The following ASIC2 variants were observed in gnomAD, a reference collection of about 807,000 sequenced individuals.
ASIC2 encodes acid-sensing ion channel 2.
A neutral mutation model predicts 57.3 loss-of-function variants in ASIC2; 25 were observed. The observed-to-expected ratio is 0.44, with a 90% CI of 0.32 to 0.61. The LOEUF (loss-of-function observed/expected upper bound fraction) is 0.61. Among genes scored for constraint, ASIC2 ranks in the 20% least tolerant of loss-of-function variants. The probability of loss-of-function intolerance (pLI) is 0.06; values close to 1 mark genes in which losing one functional copy is unlikely to be tolerated. For synonymous variants in ASIC2, 319 were observed against 307.5 expected, an observed-to-expected ratio of 1.04 and a Z score of -0.39; for missense variants, 641 against 738.1, an observed-to-expected ratio of 0.87 and a Z score of 1.52.
chr17:34,061,537 G>T (rs1356314784), intron 1 of ASIC2, among the ~76,000 whole-genome samples: 5 of 152,156 alleles, frequency 3.3e-5, no homozygotes, highest in Non-Finnish European at 5.9e-5. Flanking sequence ...CACTAACATT[G>T]AATGTAAATG....
Position 33,853,110 on chromosome 17 carries a change from C to T in ASIC2, c.555+302868G>A, listed in dbSNP as rs144284354. On this transcript the variant is annotated intron_variant, in intron 1 of 9. Coordinates refer to the ASIC2 transcript ENST00000359872. ...TCTGTGACCCCAACTTAAAACACTT[C>T]TCCCACACACAAAGTTAACACTTCA... Among the ~76,000 whole-genome samples, 50 of 152,336 alleles carry T rather than the reference C, an allele frequency of 3.3e-4. 1 individual carries two copies. The highest frequency in any genetic ancestry group is 1.2e-3 in the African/African-American group (48 of 41,578).
At chr17:33,681,206 G>A (rs531250007) in intron 1 of ASIC2, among the ~76,000 whole-genome samples, 1 of 152,198 alleles carries the variant, frequency 6.6e-6, no homozygotes, top group Non-Finnish European at 1.5e-5. Context: ...GGAGCATCTG[G>A]TTGGCCTATG....
chr17:34,137,886 C>T (rs1912167780), intron 1 of ASIC2, among the ~76,000 whole-genome samples: 1 of 152,108 alleles, frequency 6.6e-6, no homozygotes, highest in South Asian at 2.1e-4. Context: ...ATGACCTAAT[C>T]ATCTCCCACA....
chr17:33,278,190 C>T (rs1042954821), intron 1 of ASIC2, among the ~76,000 whole-genome samples: 3 of 148,506 alleles, frequency 2.0e-5, no homozygotes, highest in East Asian at 4.0e-4. Flanking sequence ...CTATCAGATG[C>T]CCTTATTCAT....
intron 1 of ASIC2, among the ~76,000 whole-genome samples, chr17:34,074,670 A>G (rs563791584): frequency 3.5e-4 from 54 of 152,246 alleles, no homozygotes; most frequent in African/African-American, 1.3e-3. Flanking sequence ...ACGCTTAGGA[A>G]GGCAGCATTA....
chr17:34,123,286 A>G (rs751289962), intron 1 of ASIC2, among the ~76,000 whole-genome samples: 3 of 152,190 alleles, frequency 2.0e-5, no homozygotes, highest in Non-Finnish European at 4.4e-5. Flanking sequence ...GCTGAGATCA[A>G]GCAGAGCTGG....
chr17:33,392,760 T>A (rs1285071806), intron 1 of ASIC2, among the ~76,000 whole-genome samples: 1 of 152,178 alleles, frequency 6.6e-6, no homozygotes, highest in African/African-American at 2.4e-5. Flanking sequence ...AGAATGCCCC[T>A]ATGACAGTAG....
At chr17:33,812,273 T>C (rs1318165691) in intron 1 of ASIC2, among the ~76,000 whole-genome samples, 1 of 152,198 alleles carries the variant, frequency 6.6e-6, no homozygotes, top group African/African-American at 2.4e-5. Flanking sequence ...AATGGTCAGC[T>C]TTTAAATTTC....
At chr17:33,673,979 C>T (rs1330463954) in intron 1 of ASIC2, among the ~76,000 whole-genome samples, 1 of 151,372 alleles carries the variant, frequency 6.6e-6, no homozygotes, top group African/African-American at 2.4e-5. Context: ...GTGCAAGCTC[C>T]GTCTCCTGGG....
At chr17:33,464,241 C>T (rs1912735875) in intron 1 of ASIC2, among the ~76,000 whole-genome samples, 2 of 152,192 alleles carry the variant, frequency 1.3e-5, no homozygotes, top group Middle Eastern at 3.2e-3. Flanking sequence ...AGCTGAGGTG[C>T]TCCCTATTTC....
At chr17:34,150,469 C>T (rs1567616946) in intron 1 of ASIC2, among the ~76,000 whole-genome samples, 1 of 152,132 alleles carries the variant, frequency 6.6e-6, no homozygotes, top group African/African-American at 2.4e-5. Flanking sequence ...AGCCACTCCA[C>T]AATGTATACA....
chr17:33,894,311 C>A (rs529670293), intron 1 of ASIC2, among the ~76,000 whole-genome samples: 2 of 150,800 alleles, frequency 1.3e-5, no homozygotes, highest in East Asian at 3.9e-4. Context: ...AGGGGAAGGA[C>A]AGAATGAGAG....
chr17:33,291,487 C>G lies in ASIC2; in HGVS notation c.629G>C (p.Arg210Pro). 1 of 1,612,578 alleles carries G rather than the reference C, an allele frequency of 6.2e-7. No homozygotes were observed. Among genetic ancestry groups the G allele is most frequent in the Non-Finnish European group, 8.5e-7 (1 of 1,179,732 alleles). The stretch of plus-strand genomic sequence containing the variant: ...CATGTCCTCCAGCTGGTGGCCCAGG[C>G]GGTCCATGAAGGCGGCGCTGATTCC... The part of the protein sequence containing the change: ...FEGISAAFMD[R>P]LGHQLEDMLL... The change falls in exon 1 of 10, where the codon CGC becomes CCC. Residue 210 changes from arginine (R) to proline (P), a missense_variant. Physicochemically the swap from Arg to Pro is moderately radical, Grantham distance 103. This residue lies in a region of ASIC2 where 382 missense variants were observed against 398.0 expected (regional missense o/e 0.96). Transcript: ENST00000225823.
chr17:33,598,602 C>A (rs2142008694), intron 1 of ASIC2, among the ~76,000 whole-genome samples: 1 of 152,254 alleles, frequency 6.6e-6, no homozygotes, highest in Admixed American at 6.5e-5. Flanking sequence ...GGAGAAGAAG[C>A]AAATGGACAG....
chr17:34,040,319 G>T (rs1908076862), intron 1 of ASIC2, among the ~76,000 whole-genome samples: 1 of 148,734 alleles, frequency 6.7e-6, no homozygotes, highest in Non-Finnish European at 1.5e-5. Context: ...GGATCGGTTC[G>T]GTCCGGATTA....
At chr17:33,154,123 C>CTA (rs1479578529) in intron 1 of ASIC2, among the ~76,000 whole-genome samples, 94 of 152,156 alleles carry the variant, frequency 6.2e-4, no homozygotes, top group Non-Finnish European at 1.1e-3. Context: ...CAGTCCTGGG[C>CTA]AACTAGGATC....
intron 3 of ASIC2, among the ~76,000 whole-genome samples, chr17:33,068,425 C>T (rs60238887): frequency 0.024 from 3,714 of 152,186 alleles, 150 homozygotes; most frequent in African/African-American, 0.084. Context: ...CTCAGCTACT[C>T]AGGAGGCTGA....
At chr17:34,047,983 A>G (rs1194591574) in intron 1 of ASIC2, among the ~76,000 whole-genome samples, 8 of 152,322 alleles carry the variant, frequency 5.3e-5, no homozygotes, top group Non-Finnish European at 1.0e-4. Flanking sequence ...CATATCCTCA[A>G]TAGGGCTTTG....
At chr17:33,693,750 C>T (rs577633379) in intron 1 of ASIC2, among the ~76,000 whole-genome samples, 1 of 152,258 alleles carries the variant, frequency 6.6e-6, no homozygotes, top group South Asian at 2.1e-4. Flanking sequence ...CTATAAAGAG[C>T]CATGGAAGAC....
Sources: gnomAD v4.1 joint callset for allele counts (sites outside exome capture counted in the v4.1 genomes callset) on GRCh38, gnomAD v4.1.1 for gene constraint, gnomAD v4.1.1 regional missense constraint, MANE v1.5 for transcripts, NCBI Gene and HGNC (gene_info 2026-07-23, HGNC 2026-07-21) for gene names.